Variants in PDE3B observed in about 807,000 individuals in gnomAD.
PDE3B encodes the protein cGMP-inhibited 3',5'-cyclic phosphodiesterase 3B.
Under a neutral mutation model 116.8 loss-of-function variants are expected in PDE3B, and 66 were observed. The ratio of observed to expected loss-of-function variants is 0.56; its 90% CI spans 0.46 to 0.69. The LOEUF is 0.69. PDE3B is among the 30% of genes least tolerant of loss of function. The pLI is 0.00. For synonymous variants in PDE3B, 595 were observed against 533.6 expected, an observed-to-expected ratio of 1.12 and a Z score of -1.59; for missense variants, 1,384 against 1,368.1, an observed-to-expected ratio of 1.01 and a Z score of -0.18.
rs151334502 is a variant in PDE3B, at chr11:14,647,080, A to C, written c.978+2027A>C. On this transcript the variant is annotated intron_variant, in intron 1 of 15. Transcript: ENST00000282096. ...TTATTTATGCTTGTTCCAGAAGTCT[A>C]ACAGTGGATTTGTGCTTTTTGTTTG... Among the ~76,000 whole-genome samples, 17 of 152,096 alleles carry C rather than the reference A, an allele frequency of 1.1e-4. No individual in the cohort carries two copies. The East Asian group carries it at 2.7e-3, about 24-fold the overall frequency.
At chr11:14,817,175 GCTATCGCAAGGA>G (rs1348579971) in intron 5 of PDE3B, among the ~76,000 whole-genome samples, 7 of 151,958 alleles carry the variant, frequency 4.6e-5, no homozygotes, top group Non-Finnish European at 8.8e-5. Flanking sequence ...TTCTGAGCAA[GCTATCGCAAGGA>G]CAGAAAACCA....
At chr11:14,656,684 A>G (rs918715852) in intron 1 of PDE3B, among the ~76,000 whole-genome samples, 1 of 152,180 alleles carries the variant, frequency 6.6e-6, no homozygotes, top group Non-Finnish European at 1.5e-5. Flanking sequence ...GTGATATGAA[A>G]TGTTGTGAGG....
chr11:14,784,024 T>G (rs1858118946), intron 2 of PDE3B, among the ~76,000 whole-genome samples: 1 of 152,098 alleles, frequency 6.6e-6, no homozygotes, highest in Admixed American at 6.5e-5. Flanking sequence ...AATCCTATGG[T>G]GAACTGCACA....
chr11:14,846,879 A>G (rs1426869383), intron 12 of PDE3B, among the ~76,000 whole-genome samples: 4 of 152,204 alleles, frequency 2.6e-5, no homozygotes, highest in African/African-American at 9.7e-5. Context: ...AGACTCCCAC[A>G]CAATAATAAT....
chr11:14,738,976 C>T (rs1019609944), intron 1 of PDE3B, among the ~76,000 whole-genome samples: 7 of 152,202 alleles, frequency 4.6e-5, no homozygotes, highest in Non-Finnish European at 8.8e-5. Context: ...TGTTTTGGTA[C>T]TAGTACCATG....
In PDE3B at chr11:14,644,041, T is replaced by G; in HGVS notation, c.-35T>G. The G allele has an allele frequency of 1.4e-6, 2 of 1,431,456 alleles. No homozygotes were observed. Among genetic ancestry groups the G allele is most frequent in the South Asian group, 1.5e-5 (1 of 68,926 alleles). The allele number at this position is 1,431,456 out of a possible 1,614,324, so 88.7% of individuals were successfully genotyped here. A position where few individuals can be genotyped will look rare whatever the true frequency, so the allele number is the denominator to read the frequency against. ...AGCGGCCGCTACGGTACGAGCGGGG[T>G]GTGCTGAGTCCCGTGGCCACCCCCG... is the stretch of plus-strand genomic sequence containing the variant. On this transcript the variant is annotated 5_prime_UTR_variant, in exon 1 of 16. Coordinates refer to ENST00000282096, the MANE Select transcript of PDE3B (RefSeq NM_000922.4).
At chr11:14,763,138 T>C (rs182216582) in intron 1 of PDE3B, among the ~76,000 whole-genome samples, 1 of 152,172 alleles carries the variant, frequency 6.6e-6, no homozygotes, top group Non-Finnish European at 1.5e-5. Context: ...ATCAAAATGG[T>C]AAGTAAGACT....
chr11:14,802,274 G>A (rs1037258659), intron 4 of PDE3B, among the ~76,000 whole-genome samples: 3 of 152,154 alleles, frequency 2.0e-5, no homozygotes, highest in South Asian at 2.1e-4. Context: ...CCAGGGCCCC[G>A]GTGGGGTAGG....
chr11:14,672,105 TTTATA>T lies in PDE3B; in HGVS notation c.978+27060_978+27064del, dbSNP rs200210254. On this transcript the variant is annotated intron_variant, in intron 1 of 15. Coordinates refer to ENST00000282096, the MANE Select transcript of PDE3B (RefSeq NM_000922.4). ...TACCAGATACTAGTGTTAAAGTATC[TTTATA>T]TTATATTTTAATTAGGTATACAATT... 5.8e-3 allele frequency among the ~76,000 whole-genome samples: 868 copies of T among 149,766 alleles called. 6 individuals are homozygous for T. Among genetic ancestry groups the T allele is most frequent in the African/African-American group, 0.02 (828 of 41,044 alleles).
At position 14,647,433 on chromosome 11, in the gene PDE3B, A is replaced by G. The variant is rs558316317; in HGVS notation, c.978+2380A>G. 3.3e-5 allele frequency among the ~76,000 whole-genome samples: 5 copies of G among 152,148 alleles called. No individual in the cohort carries two copies. In the East Asian group the frequency reaches 9.6e-4, roughly 29 times the overall value. ...TATCTTCTAATTCTAAAATTAAATTATATAATACCTTCTAATTCTAAAATT... is the reference window on the plus strand; with the variant it reads ...TATCTTCTAATTCTAAAATTAAATTGTATAATACCTTCTAATTCTAAAATT... On this transcript the variant is annotated intron_variant, in intron 1 of 15. Transcript: ENST00000282096.
intron 5 of PDE3B, among the ~76,000 whole-genome samples, chr11:14,806,868 AAAAAAAAAAAAAG>A (rs1440972829): frequency 5.3e-5 from 8 of 150,846 alleles, no homozygotes; most frequent in African/African-American, 9.7e-5. Flanking sequence ...CAAAAAAAAA[AAAAAAAAAAAAAG>A]AAAAAAAAGA....
intron 2 of PDE3B, among the ~76,000 whole-genome samples, chr11:14,779,357 A>G (rs1590136980): frequency 6.6e-6 from 1 of 152,210 alleles, no homozygotes; most frequent in South Asian, 2.1e-4. Context: ...ACTCCAAAAC[A>G]CATAATTGTC....
intron 4 of PDE3B, among the ~76,000 whole-genome samples, chr11:14,796,146 A>G (rs1051300680): frequency 2.0e-5 from 3 of 151,952 alleles, no homozygotes; most frequent in South Asian, 4.2e-4. Flanking sequence ...TGTTCTTGTG[A>G]TAGTTTGCTG....
chr11:14,648,745 C>A (rs776172940), intron 1 of PDE3B, among the ~76,000 whole-genome samples: 7 of 152,086 alleles, frequency 4.6e-5, no homozygotes, highest in African/African-American at 1.4e-4. Context: ...AATCTGCACT[C>A]TGCCATTTTT....
chr11:14,688,211 A>G (rs898710517), intron 1 of PDE3B, among the ~76,000 whole-genome samples: 11 of 145,866 alleles, frequency 7.5e-5, no homozygotes, highest in Admixed American at 2.1e-4. Flanking sequence ...TCTCGGAGAG[A>G]ACATGAGTAT....
At chr11:14,881,533 A>C in the PDE3B span, among the ~76,000 whole-genome samples, 1 of 152,144 alleles carries the variant, frequency 6.6e-6, no homozygotes, top group Non-Finnish European at 1.5e-5. Context: ...GATAAATTTC[A>C]CATTGATAAG....
intron 2 of PDE3B, among the ~76,000 whole-genome samples, chr11:14,782,724 C>G (rs1858051113): frequency 6.6e-6 from 1 of 152,088 alleles, no homozygotes; most frequent in Non-Finnish European, 1.5e-5. Context: ...GCTAAAACAC[C>G]AAAAGCAATG....
intron 1 of PDE3B, among the ~76,000 whole-genome samples, chr11:14,757,323 T>C (rs1857218889): frequency 6.7e-6 from 1 of 148,780 alleles, no homozygotes; most frequent in South Asian, 2.2e-4. Context: ...TACCCAGTAA[T>C]GGGATGGCTG....
intron 1 of PDE3B, among the ~76,000 whole-genome samples, chr11:14,743,909 C>T (rs1856838372): frequency 6.6e-6 from 1 of 152,178 alleles, no homozygotes; most frequent in Non-Finnish European, 1.5e-5. Context: ...TAACCAGTCC[C>T]ATTGAGATGA....
Sources: gnomAD v4.1 joint callset for allele counts (sites outside exome capture counted in the v4.1 genomes callset) on GRCh38, gnomAD v4.1.1 for gene constraint, MANE v1.5 for transcripts, NCBI Gene and HGNC (gene_info 2026-07-23, HGNC 2026-07-21) for gene names.